The following COL12A1 variants were observed in gnomAD, a reference collection of about 807,000 sequenced individuals.
The protein encoded by COL12A1 is collagen alpha-1(XII) chain.
A neutral mutation model predicts 349.7 loss-of-function variants in COL12A1; 114 were observed. The ratio of observed to expected loss-of-function variants is 0.33; its 90% confidence interval spans 0.28 to 0.38. The LOEUF (loss-of-function observed/expected upper bound fraction) is 0.38, where lower values mean the gene tolerates loss of function less well. Among genes scored for constraint, COL12A1 ranks in the 10% least tolerant of loss-of-function variants. The pLI is 1.00. For synonymous variants in COL12A1, 1,369 were observed against 1,329.0 expected, an observed-to-expected ratio of 1.03 and a Z score of -0.66; for missense variants, 3,284 against 3,756.9, an observed-to-expected ratio of 0.87 and a Z score of 3.29.
chr6:75,158,974 A>C (rs994519133), intron 14 of COL12A1, among the ~76,000 whole-genome samples: 3 of 152,024 alleles, frequency 2.0e-5, no homozygotes, highest in African/African-American at 7.2e-5. Context: ...AATGGGATGG[A>C]CTGGTTCAAA....
rs1402640137 is a variant in COL12A1, at chr6:75,128,365, A to G, written c.6271T>C (p.Tyr2091His). Reference sequence around the variant, plus strand: ...TAAACAGCAATAACAGTAATTTTATATGGAGTGTCAGGTTGCAGGGGCTGC... The same window carrying G: ...TAAACAGCAATAACAGTAATTTTATGTGGAGTGTCAGGTTGCAGGGGCTGC... ...ILQPLQPDTP[Y>H]KITVIAVYED... is the part of the protein sequence containing the mutation. The change falls in exon 38 of 66, where the codon TAT becomes CAT. Residue 2091 changes from tyrosine to histidine, a missense_variant. Physicochemically the swap from Tyr to His is moderately conservative, Grantham distance 83 (BLOSUM62 2). Coordinates refer to ENST00000322507, the MANE Select transcript of COL12A1 (RefSeq NM_004370.6). The G allele has an allele frequency of 6.2e-7, 1 of 1,611,152 alleles. No homozygotes were observed.
intron 2 of COL12A1, 138 bp downstream of exon 2, chr6:75,202,582 T>G (rs1316325661): frequency 1.9e-5 from 15 of 801,016 alleles, no homozygotes; most frequent in South Asian, 1.4e-4. Context: ...AAAGGGGCGT[T>G]TCTCTGAAGG....
intron 8 of COL12A1, 58 bp downstream of exon 8, chr6:75,188,304 T>C (rs934813973): frequency 5.3e-6 from 8 of 1,504,160 alleles, no homozygotes; most frequent in South Asian, 2.5e-5. Flanking sequence ...AAGATAACTA[T>C]AAATACTCAA....
At chr6:75,161,041 C>T (rs748846261) in intron 14 of COL12A1, among the ~76,000 whole-genome samples, 3 of 152,104 alleles carry the variant, frequency 2.0e-5, no homozygotes, top group Non-Finnish European at 4.4e-5. Flanking sequence ...GTCCAAGTAG[C>T]TCAGGGCGAA....
At chr6:75,133,200 A>G in intron 34 of COL12A1, 93 bp downstream of exon 34, 1 of 1,176,020 alleles carries the variant, frequency 8.5e-7, no homozygotes, top group Non-Finnish European at 1.1e-6. Context: ...ATCACACCAA[A>G]CTTTCCTAAT....
intron 2 of COL12A1, among the ~76,000 whole-genome samples, chr6:75,201,418 C>T (rs1770518591): frequency 6.6e-6 from 1 of 152,200 alleles, no homozygotes; most frequent in Non-Finnish European, 1.5e-5. Flanking sequence ...TTTGGAAACA[C>T]TCTGCTTCCC....
rs1005058081 is a variant in COL12A1, at chr6:75,165,410, AG to A, written c.2983+96del. 30 of 1,456,394 alleles carry A rather than the reference AG, an allele frequency of 2.1e-5. No homozygotes were observed. The African/African-American group carries it at 3.9e-4, about 19-fold the overall frequency. The allele number at this position is 1,456,394 out of a possible 1,614,324, so 90.2% of individuals were successfully genotyped here. Reference sequence around the variant, plus strand: ...TCCTCAGTCTTCATTTATCATGTAAAGAAAAAACATTCAAGTGATTAAACTG... The same window carrying A: ...TCCTCAGTCTTCATTTATCATGTAAAAAAAAACATTCAAGTGATTAAACTG... On this transcript the variant is annotated intron_variant, in intron 14 of 65. Transcript: ENST00000322507.
At chr6:75,089,313 CTT>C in intron 63 of COL12A1, 139 bp from the exon 64 acceptor site, 1 of 644,988 alleles carries the variant, frequency 1.6e-6, no homozygotes, top group Non-Finnish European at 2.5e-6. Flanking sequence ...GAAGTTCACT[CTT>C]TAAGCCAAGT....
chr6:75,133,265 A>G, intron 34 of COL12A1, 28 bp downstream of exon 34: 3 of 1,543,428 alleles, frequency 1.9e-6, no homozygotes, highest in Non-Finnish European at 2.6e-6. Context: ...TTATGATGAA[A>G]AATTAATTTT....
At chr6:75,157,832 A>C (rs1767835874) in intron 14 of COL12A1, among the ~76,000 whole-genome samples, 1 of 152,188 alleles carries the variant, frequency 6.6e-6, no homozygotes, top group African/African-American at 2.4e-5. Context: ...TTGAGCTCAC[A>C]CAGGGTTAGA....
chr6:75,201,653 T>C (rs527891699), intron 2 of COL12A1, among the ~76,000 whole-genome samples: 2 of 151,918 alleles, frequency 1.3e-5, no homozygotes, highest in African/African-American at 4.8e-5. Flanking sequence ...ATATCTTTCA[T>C]GACATTACCC....
At chr6:75,158,584 T>C (rs1010447140) in intron 14 of COL12A1, among the ~76,000 whole-genome samples, 1 of 152,106 alleles carries the variant, frequency 6.6e-6, no homozygotes, top group African/African-American at 2.4e-5. Flanking sequence ...AGAAATGACA[T>C]ACATTACAGA....
rs763684816 is a variant in COL12A1 at position 75,085,200 on chromosome 6, G to A, written c.*1347C>T. 7 of 467,296 alleles carry A rather than the reference G, an allele frequency of 1.5e-5. No individual in the cohort carries two copies. Among genetic ancestry groups the A allele is most frequent in the Middle Eastern group, 7.9e-4 (2 of 2,544 alleles). 28.9% of individuals were successfully genotyped at this position (467,296 alleles called of 1,614,324 possible). A position where few individuals can be genotyped will look rare whatever the true frequency, so the allele number is the denominator to read the frequency against. On this transcript the variant is annotated 3_prime_UTR_variant, in exon 66 of 66. Coordinates refer to ENST00000322507, the MANE Select transcript of COL12A1 (RefSeq NM_004370.6). ...CGCGTGATCTCTGGTTCACTGCCCG[G>A]GTCCGTGGGGCAGGGCGCGCCGCCA...
In COL12A1 at chr6:75,100,382, G is replaced by A. The variant is rs192900953; in HGVS notation, c.8523+1218C>T. Reference sequence around the variant, plus strand: ...GCAGCAGCAAGCAAGTCAGCCCATTGCCACTTCTCAGCTGCAATATTCTGG... The same window carrying A: ...GCAGCAGCAAGCAAGTCAGCCCATTACCACTTCTCAGCTGCAATATTCTGG... On this transcript the variant is annotated intron_variant, in intron 58 of 65. Coordinates refer to ENST00000322507, the MANE Select transcript of COL12A1 (RefSeq NM_004370.6). Among the ~76,000 whole-genome samples the A allele has an allele frequency of 3.7e-3, 567 of 152,238 alleles. 2 individuals carry two copies. Among genetic ancestry groups the A allele is most frequent in the African/African-American group, 0.012 (496 of 41,522 alleles).
intron 39 of COL12A1, 72 bp from the exon 40 acceptor site, chr6:75,125,345 T>C: frequency 7.0e-7 from 1 of 1,422,710 alleles, no homozygotes; most frequent in East Asian, 2.4e-5. Flanking sequence ...AAATTAAAGA[T>C]CTTATAGTCA....
intron 8 of COL12A1, among the ~76,000 whole-genome samples, chr6:75,186,047 A>C (rs956754273): frequency 6.6e-6 from 1 of 152,234 alleles, no homozygotes; most frequent in African/African-American, 2.4e-5. Flanking sequence ...CATTCAGGAC[A>C]TAGGCCCTGG....
intron 49 of COL12A1, among the ~76,000 whole-genome samples, chr6:75,114,421 T>C (rs115975090): frequency 6.6e-6 from 1 of 152,150 alleles, no homozygotes; most frequent in African/African-American, 2.4e-5. Context: ...CCCTCAGCTG[T>C]AAGACAGAAC....
intron 44 of COL12A1, 48 bp downstream of exon 44, chr6:75,121,253 GA>G: frequency 6.9e-7 from 1 of 1,449,598 alleles, no homozygotes; most frequent in South Asian, 1.6e-5. Context: ...AAGTTCAAAG[GA>G]AAGGCAAGAC....
chr6:75,103,997 A>G (rs961283733), intron 54 of COL12A1, among the ~76,000 whole-genome samples, 187 bp from the exon 55 acceptor site: 1 of 152,220 alleles, frequency 6.6e-6, no homozygotes, highest in African/African-American at 2.4e-5. Context: ...AACTTTGTAC[A>G]TTCTGAGTGT....
Sources: allele counts gnomAD v4.1 joint callset (sites outside exome capture counted in the v4.1 genomes callset), GRCh38; gene constraint gnomAD v4.1.1; transcripts MANE v1.5; gene names NCBI Gene and HGNC (gene_info 2026-07-23, HGNC 2026-07-21).